Variants in INO80 observed in about 807,000 individuals in gnomAD.
INO80 encodes INO80 complex ATPase subunit, also known as chromatin-remodeling ATPase INO80.
INO80 carries 20 observed loss-of-function variants against 203.4 expected under a neutral mutation model. The observed-to-expected ratio is 0.10, with a 90% CI of 0.07 to 0.14. The LOEUF (loss-of-function observed/expected upper bound fraction) is 0.14, where lower values mean the gene tolerates loss of function less well. Ranked by LOEUF, INO80 falls within the 10% of genes least tolerant of loss-of-function variation. The pLI is 1.00. For synonymous variants in INO80, 726 were observed against 685.2 expected (o/e 1.06, Z -0.93); for missense variants, 1,419 against 1,914.4 (o/e 0.74, Z 4.83).
chr15:41,023,911 A>G (rs2044337233), intron 25 of INO80, among the ~76,000 whole-genome samples: 1 of 151,928 alleles, frequency 6.6e-6, no homozygotes, highest in South Asian at 2.1e-4. Flanking sequence ...GTAAAAAAGC[A>G]GAACTTATAT....
At position 41,116,027 on chromosome 15, in the gene INO80, G is replaced by C; in HGVS notation, c.-98C>G. 2.5e-6 allele frequency: 1 copy of C among 392,474 alleles called. No homozygotes were observed. Among genetic ancestry groups the C allele is most frequent in the Non-Finnish European group, 4.5e-6 (1 of 222,418 alleles). 24.3% of individuals were successfully genotyped at this position (392,474 alleles called of 1,614,324 possible). ...GGCGGCGGAGGGGGGGCGGGGTGCG[G>C]GCGGGGTCCGGAGGGGGGGGTCGCC... On this transcript the variant is annotated 5_prime_UTR_variant, in exon 1 of 36. Transcript: ENST00000648947.
chr15:41,103,390 C>T (rs931097199), intron 1 of INO80, among the ~76,000 whole-genome samples: 1 of 151,950 alleles, frequency 6.6e-6, no homozygotes, highest in Non-Finnish European at 1.5e-5. Flanking sequence ...AATCATCGTT[C>T]TTGTTTTATA....
chr15:40,985,633 G>A (rs572664397), intron 31 of INO80, among the ~76,000 whole-genome samples: 9 of 152,154 alleles, frequency 5.9e-5, no homozygotes, highest in African/African-American at 1.4e-4. Context: ...GGGCTGGCTC[G>A]GTGTGGTGAC....
Position 41,112,420 on chromosome 15 carries a change from C to T in INO80, c.-44+3553G>A, listed in dbSNP as rs568451950. Among the ~76,000 whole-genome samples the T allele has an allele frequency of 1.1e-4, 17 of 152,240 alleles. No individual in the cohort carries two copies. In the South Asian group the frequency reaches 1.7e-3, roughly 15 times the overall value. On this transcript the variant is annotated intron_variant, in intron 1 of 35. Transcript: ENST00000648947. The stretch of plus-strand genomic sequence containing the variant: ...CACAAGAGTTGTCTGATATTAGTGC[C>T]TATGCCCTTCTCATTCTCTATATGC...
chr15:41,065,753 C>G (rs1011008983), intron 14 of INO80, among the ~76,000 whole-genome samples: 3 of 152,114 alleles, frequency 2.0e-5, no homozygotes, highest in Non-Finnish European at 4.4e-5. Flanking sequence ...AGCTTGAAAA[C>G]TTTATACTCA....
chr15:41,036,973 G>A (rs2044586126), intron 24 of INO80, among the ~76,000 whole-genome samples: 1 of 152,012 alleles, frequency 6.6e-6, no homozygotes, highest in South Asian at 2.1e-4. Context: ...TGTGGTGGCA[G>A]ATGCCTGTAA....
intron 23 of INO80, among the ~76,000 whole-genome samples, chr15:41,046,401 G>A (rs1409651134): frequency 6.7e-6 from 1 of 149,998 alleles, no homozygotes; most frequent in Non-Finnish European, 1.5e-5. Flanking sequence ...TAATTTTTGT[G>A]TTTTTATTAC....
chr15:41,050,490 CCA>C (rs2044851150), intron 19 of INO80, among the ~76,000 whole-genome samples: 1 of 152,172 alleles, frequency 6.6e-6, no homozygotes, highest in Admixed American at 6.5e-5. Context: ...GTTCTCTTTT[CCA>C]CAATTTACTA....
intron 19 of INO80, among the ~76,000 whole-genome samples, chr15:41,050,622 C>G (rs1289870104): frequency 6.6e-6 from 1 of 152,172 alleles, no homozygotes; most frequent in Non-Finnish European, 1.5e-5. Context: ...GCTTGGAAAT[C>G]TACCACCTTT....
In INO80 at chr15:41,021,129, C is replaced by T; in HGVS notation, c.3049-4G>A. The T allele has an allele frequency of 6.2e-7, 1 of 1,606,316 alleles. No individual in the cohort carries two copies. Among genetic ancestry groups the T allele is most frequent in the Non-Finnish European group, 8.5e-7 (1 of 1,172,958 alleles). On this transcript the variant is annotated splice_region_variant and splice_polypyrimidine_tract_variant and intron_variant, in intron 25 of 35. Transcript: ENST00000648947. ...AATCCAATGGCACTGCGGTAACCTGCAGTTAAAGATTCACATGAGATGGCT... is the reference window on the plus strand; with the variant it reads ...AATCCAATGGCACTGCGGTAACCTGTAGTTAAAGATTCACATGAGATGGCT...
intron 1 of INO80, among the ~76,000 whole-genome samples, chr15:41,108,633 T>C (rs938514594): frequency 1.4e-5 from 2 of 144,744 alleles, no homozygotes; most frequent in East Asian, 4.0e-4. Context: ...AAGCCACAAA[T>C]AGACTAGGAC....
At chr15:41,033,922 C>T (rs1322272069) in intron 24 of INO80, among the ~76,000 whole-genome samples, 4 of 151,568 alleles carry the variant, frequency 2.6e-5, no homozygotes, top group African/African-American at 9.7e-5. Context: ...ATTAGCCGGG[C>T]GTGGTGGCAG....
At chr15:40,994,941 C>T (rs1350647154) in intron 29 of INO80, among the ~76,000 whole-genome samples, 2 of 151,254 alleles carry the variant, frequency 1.3e-5, no homozygotes, top group Admixed American at 6.6e-5. Context: ...CTGCAACCTC[C>T]GCCTCCTGGG....
chr15:40,997,786 A>G (rs1330932947), intron 28 of INO80, 185 bp from the exon 29 acceptor site: 1 of 473,312 alleles, frequency 2.1e-6, no homozygotes, highest in Non-Finnish European at 3.9e-6. Context: ...ACAACCAAAC[A>G]TGGAGGTCAT....
In INO80 at chr15:41,044,888, T is replaced by G; in HGVS notation, c.2907+16A>C. The G allele has an allele frequency of 6.3e-7, 1 of 1,582,202 alleles. No homozygotes were observed. The highest frequency in any genetic ancestry group is 8.6e-7 in the Non-Finnish European group (1 of 1,169,428). On this transcript the variant is annotated intron_variant, in intron 24 of 35. Transcript: ENST00000648947. ...AAGATACTAAGTAGGTAATTTATGC[T>G]CAAATAATTGCTTACCTTTAACAAA...
rs762170894 is a variant in INO80 at position 41,076,990 on chromosome 15, C to G, written c.1132-2425G>C. Among the ~76,000 whole-genome samples, 11 of 149,626 alleles carry G rather than the reference C, an allele frequency of 7.4e-5. 1 individual carries two copies. The highest frequency in any genetic ancestry group is 1.0e-4 in the Non-Finnish European group (7 of 67,938). On this transcript the variant is annotated intron_variant, in intron 9 of 35. Coordinates refer to ENST00000648947, the MANE Select transcript of INO80 (RefSeq NM_017553.3). The stretch of plus-strand genomic sequence containing the variant: ...TGGTGCAATCTCGGCTCACTGCAAC[C>G]TCCATCTCCCCGGTTCAAGCGATTC...
chr15:41,057,156 C>T (rs2045001096), intron 16 of INO80, among the ~76,000 whole-genome samples: 1 of 152,082 alleles, frequency 6.6e-6, no homozygotes, highest in South Asian at 2.1e-4. Flanking sequence ...TTGCTCCTGG[C>T]CAAAGGCATA....
At position 41,073,415 on chromosome 15, in the gene INO80, T is replaced by C. The variant is rs1439753607; in HGVS notation, c.1395+13A>G. The C allele has an allele frequency of 1.9e-6, 3 of 1,611,394 alleles. No homozygotes were observed. The highest frequency in any genetic ancestry group is 2.7e-5 in the African/African-American group (2 of 74,870). ...GGGCCAATTACAGTAAACCTTTCTA[T>C]CTGAAGACTCACCCGAGCTTGGTGA... On this transcript the variant is annotated intron_variant, in intron 11 of 35. Coordinates refer to ENST00000648947, the MANE Select transcript of INO80 (RefSeq NM_017553.3).
At chr15:41,077,815 C>T (rs1458604559) in intron 9 of INO80, among the ~76,000 whole-genome samples, 3 of 152,110 alleles carry the variant, frequency 2.0e-5, no homozygotes, top group Non-Finnish European at 1.5e-5. Flanking sequence ...CCCGTCTCTG[C>T]CTTTCTGCTA....
Sources: allele counts gnomAD v4.1 joint callset (sites outside exome capture counted in the v4.1 genomes callset), GRCh38; gene constraint gnomAD v4.1.1; transcripts MANE v1.5; gene names NCBI Gene and HGNC (gene_info 2026-07-23, HGNC 2026-07-21).